Variants in MCC observed in about 807,000 individuals in gnomAD.
MCC encodes MCC regulator of Wnt signaling pathway.
In MCC, 90 loss-of-function variants were observed where a neutral mutation model predicts 116.2. The ratio of observed to expected loss-of-function variants is 0.77; its 90% CI spans 0.65 to 0.92. The LOEUF (loss-of-function observed/expected upper bound fraction) is 0.92. Among genes scored for constraint, MCC ranks in the 40% least tolerant of loss-of-function variants. The pLI is 0.00. For missense variants in MCC, 1,516 were observed against 1,312.2 expected (o/e 1.16, Z -2.40); for synonymous variants, 578 against 510.5 (o/e 1.13, Z -1.78).
At chr5:113,283,927 G>A (rs181593183) in intron 3 of MCC, among the ~76,000 whole-genome samples, 18 of 152,198 alleles carry the variant, frequency 1.2e-4, no homozygotes, top group African/African-American at 2.9e-4. Flanking sequence ...ACATGAAGAC[G>A]ATGAAGATGA....
Position 113,046,710 on chromosome 5 carries a change from A to AAAAAAAAAG in MCC, c.2655+2382_2655+2383insCTTTTTTTT. 3.9e-4 allele frequency among the ~76,000 whole-genome samples: 40 copies of AAAAAAAAAG among 102,450 alleles called. 2 individuals are homozygous for AAAAAAAAAG. Among genetic ancestry groups the AAAAAAAAAG allele is most frequent in the South Asian group, 7.0e-4 (2 of 2,850 alleles). The allele number at this position is 102,450 out of a possible 152,430, so 67.2% of individuals were successfully genotyped here. On this transcript the variant is annotated intron_variant, in intron 16 of 18. Coordinates refer to ENST00000408903, the MANE Select transcript of MCC (RefSeq NM_001085377.2). ...CAAAAAAAAAAAAAAAAAAAAAAAA[A>AAAAAAAAAG]AGAGAGAGATTTTGAAGGTGTTTGT...
intron 3 of MCC, among the ~76,000 whole-genome samples, chr5:113,169,327 T>C (rs976414429): frequency 4.6e-5 from 7 of 152,120 alleles, no homozygotes; most frequent in Non-Finnish European, 7.4e-5. Flanking sequence ...ATTAACATTA[T>C]AGGTCTTTTT....
intron 1 of MCC, among the ~76,000 whole-genome samples, chr5:113,405,128 G>A (rs1318413607): frequency 6.6e-6 from 1 of 152,230 alleles, no homozygotes. Context: ...AAAAAGCAAT[G>A]TTAGAGAAAA....
At chr5:113,349,010 A>G (rs1256653105) in intron 2 of MCC, among the ~76,000 whole-genome samples, 1 of 152,094 alleles carries the variant, frequency 6.6e-6, no homozygotes, top group Non-Finnish European at 1.5e-5. Context: ...ACCATGAAGC[A>G]ATCCAGAACC....
intron 3 of MCC, among the ~76,000 whole-genome samples, chr5:113,268,089 C>A (rs2150351691): frequency 6.6e-6 from 1 of 152,260 alleles, no homozygotes; most frequent in Admixed American, 6.5e-5. Context: ...CTATCTTAAT[C>A]CAGGCCTCAA....
intron 1 of MCC, 102 bp from the exon 2 acceptor site, chr5:113,385,314 T>A (rs1769228469): frequency 8.6e-7 from 1 of 1,157,592 alleles, no homozygotes; most frequent in African/African-American, 1.6e-5. Flanking sequence ...TATATTCACA[T>A]ACTAGACCTA....
Position 113,143,307 on chromosome 5 carries a change from T to C in MCC, c.795A>G (p.Thr265=), listed in dbSNP as rs2227949. 1 allele frequency: 1,612,292 copies of C among 1,613,842 alleles called. 805,385 individuals are homozygous for C. The highest frequency in any genetic ancestry group is 1 in the South Asian group (91,021 of 91,024). Residue 265 remains threonine, a synonymous_variant, in exon 5 of 19, where the codon ACA becomes ACG. Transcript: ENST00000408903. Reference sequence around the variant, plus strand: ...CTGTGATGCGTTCCTCATAGCGAAGTGTCGTTCGCTCCTGGACATCCTCAT... The same window carrying C: ...CTGTGATGCGTTCCTCATAGCGAAGCGTCGTTCGCTCCTGGACATCCTCAT... The part of the protein sequence containing the change: ...REHEDVQERT[T]LRYEERITEL...
intron 1 of MCC, 77 bp downstream of exon 1, chr5:113,488,168 G>A (rs1380629594): frequency 1.5e-6 from 2 of 1,377,592 alleles, no homozygotes; most frequent in Admixed American, 5.6e-5. Flanking sequence ...GTTGGGGCGA[G>A]GGGGCAGAGC....
At chr5:113,484,336 T>C (rs1437535945) in intron 1 of MCC, among the ~76,000 whole-genome samples, 1 of 152,150 alleles carries the variant, frequency 6.6e-6, no homozygotes, top group Non-Finnish European at 1.5e-5. Flanking sequence ...TATCTGAAAA[T>C]GAAAATGTTT....
At chr5:113,126,928 G>A (rs1758085762) in intron 5 of MCC, among the ~76,000 whole-genome samples, 1 of 152,042 alleles carries the variant, frequency 6.6e-6, no homozygotes, top group Non-Finnish European at 1.5e-5. Flanking sequence ...TGTTACGCAG[G>A]TAAACTCGTG....
At chr5:113,116,081 T>G (rs1300361704) in intron 6 of MCC, among the ~76,000 whole-genome samples, 1 of 152,180 alleles carries the variant, frequency 6.6e-6, no homozygotes, top group Non-Finnish European at 1.5e-5. Flanking sequence ...TGGCCCTTTC[T>G]TAGTGCCTGG....
intron 2 of MCC, among the ~76,000 whole-genome samples, chr5:113,348,090 G>A (rs755626963): frequency 2.0e-5 from 3 of 152,032 alleles, no homozygotes; most frequent in Non-Finnish European, 2.9e-5. Context: ...GCTAAAGAGA[G>A]AGAGAGATCT....
In MCC at chr5:113,171,749, C is replaced by T. The variant is rs59433004; in HGVS notation, c.628-20327G>A. Among the ~76,000 whole-genome samples the T allele has an allele frequency of 7.3e-3, 1,110 of 152,248 alleles. 19 individuals are homozygous for T. The highest frequency in any genetic ancestry group is 0.025 in the African/African-American group (1,032 of 41,560). On this transcript the variant is annotated intron_variant, in intron 3 of 18. Transcript: ENST00000408903. ...GTGGTTACCGGGCAGCCTCCAAGAA[C>T]GGAAGCAGCTGTGGCAAGGGAATTC...
At chr5:113,081,198 C>T (rs1754835392) in intron 11 of MCC, among the ~76,000 whole-genome samples, 1 of 152,108 alleles carries the variant, frequency 6.6e-6, no homozygotes. Context: ...CTAAGAACCC[C>T]CAGGTTCCCG....
chr5:113,363,050 C>T (rs944130657), intron 2 of MCC, among the ~76,000 whole-genome samples: 6 of 152,018 alleles, frequency 3.9e-5, no homozygotes, highest in Non-Finnish European at 7.4e-5. Flanking sequence ...GAGACAGAGG[C>T]GGGCGGATCA....
intron 5 of MCC, among the ~76,000 whole-genome samples, chr5:113,125,345 C>T (rs1757983108): frequency 6.6e-6 from 1 of 152,152 alleles, no homozygotes. Context: ...ACAAAAACGA[C>T]ACATGGCAAC....
chr5:113,192,369 T>C (rs1450654833), intron 3 of MCC, among the ~76,000 whole-genome samples: 2 of 152,270 alleles, frequency 1.3e-5, no homozygotes, highest in East Asian at 3.8e-4. Context: ...CACAAGGCAC[T>C]GTTCTTTCAC....
intron 3 of MCC, among the ~76,000 whole-genome samples, chr5:113,156,026 A>T (rs1414926531): frequency 5.3e-5 from 8 of 152,102 alleles, no homozygotes; most frequent in Non-Finnish European, 1.0e-4. Flanking sequence ...TTGGTATCTT[A>T]TGTGATGGAT....
At chr5:113,362,351 T>A (rs1374296688) in intron 2 of MCC, among the ~76,000 whole-genome samples, 1 of 152,160 alleles carries the variant, frequency 6.6e-6, no homozygotes, top group African/African-American at 2.4e-5. Context: ...ACTTATAAAT[T>A]TGTCGAGACT....
Sources: gnomAD v4.1 joint callset for allele counts (sites outside exome capture counted in the v4.1 genomes callset) on GRCh38, gnomAD v4.1.1 for gene constraint, MANE v1.5 for transcripts, NCBI Gene and HGNC (gene_info 2026-07-23, HGNC 2026-07-21) for gene names.